ZNF888: variants seen among roughly 807,000 people sequenced by gnomAD.
ZNF888 encodes the protein zinc finger protein 888.
A neutral mutation model predicts 7.2 loss-of-function variants in ZNF888; 5 were observed. That is an observed-to-expected ratio of 0.70 (90% CI 0.36 to 1.46). The LOEUF is 1.46. Ranked by LOEUF, ZNF888 falls within the 40% of genes most tolerant of loss-of-function variation. The pLI, the probability that ZNF888 is intolerant of heterozygous loss-of-function variation, is 0.03. For synonymous variants in ZNF888, 240 were observed against 284.3 expected (o/e 0.84, Z 1.57); for missense variants, 716 against 858.0 (o/e 0.83, Z 2.07).
intron 2 of ZNF888, among the ~76,000 whole-genome samples, chr19:52,918,548 T>C (rs1360705784): frequency 6.6e-6 from 1 of 151,958 alleles, no homozygotes; most frequent in Non-Finnish European, 1.5e-5. Flanking sequence ...GGTGGGTGGA[T>C]TACTTGAGGT....
chr19:52,905,957 A>G lies in ZNF888; in HGVS notation c.*208T>C. On this transcript the variant is annotated 3_prime_UTR_variant, in exon 5 of 5. Transcript: ENST00000638862. ...CTGTATGAATTCTCCTGTTTTGCAT[A>G]GGATGAAGCTTGACTGAAGACCTTG... is the stretch of plus-strand genomic sequence containing the variant. 1 of 861,300 alleles carries G rather than the reference A, an allele frequency of 1.2e-6. No individual in the cohort carries two copies. 53.4% of individuals were successfully genotyped at this position (861,300 alleles called of 1,614,324 possible). A position where few individuals can be genotyped will look rare whatever the true frequency, so the allele number is the denominator to read the frequency against.
At chr19:52,916,599 C>CATACATATACAT (rs201491425) in intron 3 of ZNF888, among the ~76,000 whole-genome samples, 21 of 93,460 alleles carry the variant, frequency 2.2e-4, no homozygotes, top group African/African-American at 5.9e-4. Flanking sequence ...GTATTATATA[C>CATACATATACAT]ATACATATAC....
chr19:52,916,651 A>C (rs1017500149), intron 3 of ZNF888, among the ~76,000 whole-genome samples: 24 of 138,620 alleles, frequency 1.7e-4, no homozygotes, highest in Middle Eastern at 3.7e-3. Flanking sequence ...TAGGTTTTAA[A>C]TATATAAAAA....
In ZNF888 at chr19:52,915,260, G is replaced by C; in HGVS notation, c.78C>G (p.Asp26Glu). 1 of 1,612,800 alleles carries C rather than the reference G, an allele frequency of 6.2e-7. No individual in the cohort carries two copies. Among genetic ancestry groups the C allele is most frequent in the Non-Finnish European group, 8.5e-7 (1 of 1,179,912 alleles). ...CTCTGTATAGAGTCCTCTGAGCAGG[G>C]TCCAGGCATTTCCACTCCTCCTGAG... ...EFSQEEWKCLDPAQRTLYRDV... is the reference protein window; with the variant it reads ...EFSQEEWKCLEPAQRTLYRDV... The change falls in exon 4 of 5, where the codon GAC becomes GAG. Residue 26 changes from aspartate (D) to glutamate (E), a missense_variant. Coordinates refer to ENST00000638862, the MANE Select transcript of ZNF888 (RefSeq NM_001393938.1).
intron 1 of ZNF888, among the ~76,000 whole-genome samples, chr19:52,921,127 G>A (rs527681762): frequency 6.6e-6 from 1 of 152,204 alleles, no homozygotes; most frequent in East Asian, 1.9e-4. Context: ...TCACCATTTA[G>A]GGACATAGGA....
chr19:52,909,372 TGAGTACCTGG>T (rs1457666018), intron 4 of ZNF888, among the ~76,000 whole-genome samples: 7 of 151,726 alleles, frequency 4.6e-5, no homozygotes, highest in Admixed American at 3.3e-4. Context: ...CTCAGCCTCT[TGAGTACCTGG>T]GATTACAGGC....
Position 52,917,868 on chromosome 19 carries a change from A to G in ZNF888, c.6T>C (p.Ala2=). ...GAGAATATCATCTCACCTGAGGAAG[A>G]GCCATCCCTGACTCCTTTGCTTTCC... M[A]LPQGLLTFRD... Residue 2 remains alanine (A), a synonymous_variant, in exon 3 of 5, where the codon GCT becomes GCC. Coordinates refer to ENST00000638862, the MANE Select transcript of ZNF888 (RefSeq NM_001393938.1). 1.2e-6 allele frequency: 2 copies of G among 1,613,190 alleles called. No individual in the cohort carries two copies. Among genetic ancestry groups the G allele is most frequent in the Non-Finnish European group, 8.5e-7 (1 of 1,179,996 alleles).
Position 52,917,692 on chromosome 19 carries a change from C to T in ZNF888, c.15+167G>A, listed in dbSNP as rs112355992. Among the ~76,000 whole-genome samples, 1,034 of 152,128 alleles carry T rather than the reference C, an allele frequency of 6.8e-3. 13 individuals carry two copies. The highest frequency in any genetic ancestry group is 0.023 in the African/African-American group (949 of 41,496). On this transcript the variant is annotated intron_variant, in intron 3 of 4. Transcript: ENST00000638862. The stretch of plus-strand genomic sequence containing the variant: ...TTCTCATGTTCATGTCATTGGGTCA[C>T]GAGAGATGGAATCTAGGTGAGATGA...
intron 4 of ZNF888, among the ~76,000 whole-genome samples, chr19:52,908,469 T>G (rs2064637624): frequency 6.6e-6 from 1 of 152,202 alleles, no homozygotes; most frequent in South Asian, 2.1e-4. Flanking sequence ...CCTTAAAGTG[T>G]GTCACAGTTT....
At chr19:52,914,522 T>A (rs12463366) in intron 4 of ZNF888, 26,790 of 178,278 alleles carry the variant, frequency 0.15, 2,214 homozygotes, top group South Asian at 0.24. Context: ...TTTCTCAAAT[T>A]CCTCCACTGA....
intron 4 of ZNF888, 74 bp from the exon 5 acceptor site, chr19:52,908,253 C>T: frequency 7.3e-7 from 1 of 1,375,344 alleles, no homozygotes. Context: ...GTAAATATGA[C>T]ACCAAAAACA....
intron 4 of ZNF888, among the ~76,000 whole-genome samples, chr19:52,911,303 A>G (rs1403650709): frequency 6.6e-6 from 1 of 150,986 alleles, no homozygotes; most frequent in Non-Finnish European, 1.5e-5. Context: ...GTGAGCCACC[A>G]CAGCCAGCAG....
chr19:52,910,144 C>T (rs558477060), intron 4 of ZNF888, among the ~76,000 whole-genome samples: 11 of 110,866 alleles, frequency 9.9e-5, no homozygotes, highest in African/African-American at 3.7e-4. Flanking sequence ...AGCGAGACTT[C>T]GTCTCAAAAA....
At chr19:52,921,277 C>G (rs1333113693) in intron 1 of ZNF888, among the ~76,000 whole-genome samples, 1 of 152,226 alleles carries the variant, frequency 6.6e-6, no homozygotes, top group African/African-American at 2.4e-5. Context: ...GGGCCCTGGA[C>G]ACAGGGCTGT....
At position 52,906,947 on chromosome 19, in the gene ZNF888, G is replaced by C. The variant is rs374212461; in HGVS notation, c.1375C>G (p.Leu459Val). ...QQSNLARHHR[L>V]HTGEKPYKCK... ...TTGTAAGGTTTCTCTCCAGTATGAA[G>C]TCTATGATGACGTGCAAGGTTTGAT... is the stretch of plus-strand genomic sequence containing the variant. Residue 459 changes from leucine (L) to valine (V), a missense_variant, in exon 5 of 5, where the codon CTT (leucine) becomes GTT (valine). Around this residue, in one of 2 missense-constraint regions of ZNF888, gnomAD observed 697 missense variants for 803.4 expected, o/e 0.87. Transcript: ENST00000638862. 1.6e-4 allele frequency: 252 copies of C among 1,610,656 alleles called. 1 individual carries two copies. Among genetic ancestry groups the C allele is most frequent in the East Asian group, 2.9e-4 (13 of 44,704 alleles).
At position 52,906,571 on chromosome 19, in the gene ZNF888, CCA is replaced by C. The variant is rs1173444307; in HGVS notation, c.1749_1750del (p.Cys583TrpfsTer5). The C allele has an allele frequency of 5.1e-5, 82 of 1,613,446 alleles. No homozygotes were observed. Among genetic ancestry groups the C allele is most frequent in the Non-Finnish European group, 6.6e-5 (78 of 1,179,800 alleles). On this transcript the variant is annotated frameshift_variant, in exon 5 of 5. Transcript: ENST00000638862. LOFTEE classifies it low-confidence loss of function (END_TRUNC). The stretch of plus-strand genomic sequence containing the variant: ...TTGTGACTGTGTCCTAAAAACCTTG[CCA>C]CATTCATTACACTTGTAAGGTTTCT...
At chr19:52,912,266 AC>A in intron 4 of ZNF888, among the ~76,000 whole-genome samples, 1 of 146,528 alleles carries the variant, frequency 6.8e-6, no homozygotes, top group South Asian at 2.2e-4. Flanking sequence ...GGCACCTGCC[AC>A]CGCGCCCGGC....
chr19:52,921,260 C>G (rs951337557), intron 1 of ZNF888, among the ~76,000 whole-genome samples: 9 of 152,212 alleles, frequency 5.9e-5, no homozygotes, highest in Non-Finnish European at 1.2e-4. Flanking sequence ...AGGCTGGACA[C>G]TGGCAGGGGC....
intron 4 of ZNF888, among the ~76,000 whole-genome samples, chr19:52,912,323 C>T (rs1276073496): frequency 1.3e-5 from 2 of 150,236 alleles, no homozygotes; most frequent in South Asian, 2.1e-4. Context: ...CCATGTTAGC[C>T]AGGATGGCCT....
Sources: gnomAD v4.1 joint callset for allele counts (sites outside exome capture counted in the v4.1 genomes callset) on GRCh38, gnomAD v4.1.1 for gene constraint, gnomAD v4.1.1 regional missense constraint, MANE v1.5 for transcripts, NCBI Gene and HGNC (gene_info 2026-07-23, HGNC 2026-07-21) for gene names.